The following PPP1R12A variants were observed in gnomAD, a reference collection of about 807,000 sequenced individuals.
The protein encoded by PPP1R12A is myosin binding subunit.
Under a neutral mutation model 139.6 loss-of-function variants are expected in PPP1R12A, and 19 were observed. The observed-to-expected ratio is 0.14, with a 90% CI of 0.09 to 0.20. The LOEUF (loss-of-function observed/expected upper bound fraction) is 0.20. Among genes scored for constraint, PPP1R12A ranks in the 10% least tolerant of loss-of-function variants. PPP1R12A has a pLI of 1.00. For missense variants in PPP1R12A, 925 were observed against 1,211.5 expected (o/e 0.76, Z 3.51); for synonymous variants, 427 against 420.6 (o/e 1.02, Z -0.19).
At chr12:79,813,914 G>A (rs1048693136) in intron 9 of PPP1R12A, among the ~76,000 whole-genome samples, 7 of 152,182 alleles carry the variant, frequency 4.6e-5, no homozygotes, top group African/African-American at 1.7e-4. Flanking sequence ...CATAGTTTAT[G>A]TACTGGGGTA....
intron 5 of PPP1R12A, among the ~76,000 whole-genome samples, chr12:79,826,281 TA>T (rs35566989): frequency 6.6e-6 from 1 of 150,798 alleles, no homozygotes; most frequent in African/African-American, 2.4e-5. Context: ...GTAATATGTG[TA>T]AAAAAGGCTG....
chr12:79,860,375 T>C (rs777465194), intron 2 of PPP1R12A, among the ~76,000 whole-genome samples: 1 of 152,152 alleles, frequency 6.6e-6, no homozygotes, highest in Non-Finnish European at 1.5e-5. Flanking sequence ...ATTGGTCAAT[T>C]AAGAGGGACA....
intron 5 of PPP1R12A, among the ~76,000 whole-genome samples, chr12:79,822,440 C>T (rs73349363): frequency 7.9e-5 from 12 of 152,246 alleles, no homozygotes; most frequent in Admixed American, 3.3e-4. Flanking sequence ...ATATACCATA[C>T]AAATCACTCA....
At chr12:79,861,607 CAA>C (rs769907414) in intron 2 of PPP1R12A, among the ~76,000 whole-genome samples, 4 of 152,132 alleles carry the variant, frequency 2.6e-5, no homozygotes, top group Admixed American at 2.0e-4. Context: ...TACTCCTGCC[CAA>C]ATACTGCACT....
intron 1 of PPP1R12A, among the ~76,000 whole-genome samples, chr12:79,884,154 A>G (rs568574896): frequency 2.5e-3 from 381 of 152,312 alleles, no homozygotes; most frequent in Admixed American, 5.6e-3. Flanking sequence ...ATCCTTTGAC[A>G]CTTAAGATAA....
intron 1 of PPP1R12A, among the ~76,000 whole-genome samples, chr12:79,876,660 A>G (rs559620101): frequency 6.4e-4 from 98 of 152,324 alleles, no homozygotes; most frequent in Non-Finnish European, 1.1e-3. Flanking sequence ...ATTTTCCTTA[A>G]CTACCATAGA....
At chr12:79,876,753 C>G (rs1266906440) in intron 1 of PPP1R12A, among the ~76,000 whole-genome samples, 2 of 151,888 alleles carry the variant, frequency 1.3e-5, no homozygotes, top group Admixed American at 6.6e-5. Flanking sequence ...TACAGTGTAC[C>G]CAAAAAGTTT....
intron 22 of PPP1R12A, among the ~76,000 whole-genome samples, chr12:79,783,016 T>C (rs183021705): frequency 3.4e-4 from 52 of 152,314 alleles, no homozygotes; most frequent in African/African-American, 1.2e-3. Context: ...TTTACGGTTA[T>C]GGTGTGTAAC....
At chr12:79,925,069 ACT>A (rs1887728503) in intron 1 of PPP1R12A, among the ~76,000 whole-genome samples, 1 of 152,128 alleles carries the variant, frequency 6.6e-6, no homozygotes, top group Admixed American at 6.5e-5. Context: ...AGAAAAAAAA[ACT>A]CTCAACACTG....
chr12:79,892,861 T>C (rs1282424418), intron 1 of PPP1R12A, among the ~76,000 whole-genome samples: 2 of 152,194 alleles, frequency 1.3e-5, no homozygotes, highest in Non-Finnish European at 2.9e-5. Flanking sequence ...CCCAGTACTT[T>C]GGAAGGCCAA....
chr12:79,818,391 G>A (rs1053825193), intron 8 of PPP1R12A, among the ~76,000 whole-genome samples: 2 of 151,994 alleles, frequency 1.3e-5, no homozygotes, highest in East Asian at 3.9e-4. Context: ...ACAGGTGTGC[G>A]CTACCACACC....
intron 4 of PPP1R12A, 70 bp from the exon 5 acceptor site, chr12:79,828,534 T>C (rs1877057431): frequency 8.4e-6 from 10 of 1,186,210 alleles, no homozygotes; most frequent in Non-Finnish European, 1.1e-5. Flanking sequence ...AAAAGCTATC[T>C]ATCATGCAAT....
At chr12:79,931,873 C>G (rs577135765) in intron 1 of PPP1R12A, among the ~76,000 whole-genome samples, 1 of 152,208 alleles carries the variant, frequency 6.6e-6, no homozygotes, top group African/African-American at 2.4e-5. Context: ...TTCTTCTATA[C>G]AGAGGACACA....
intron 9 of PPP1R12A, among the ~76,000 whole-genome samples, chr12:79,813,823 A>G (rs906342115): frequency 9.9e-5 from 15 of 152,198 alleles, no homozygotes; most frequent in Non-Finnish European, 1.2e-4. Flanking sequence ...CCAAGTTATT[A>G]AAAGAAAATA....
intron 1 of PPP1R12A, among the ~76,000 whole-genome samples, chr12:79,891,445 G>C (rs976025460): frequency 6.6e-6 from 1 of 152,152 alleles, no homozygotes; most frequent in Non-Finnish European, 1.5e-5. Flanking sequence ...TTGTTGAATA[G>C]TGAGAAAGGG....
chr12:79,935,210 A>T, upstream of PPP1R12A: 2 of 1,297,356 alleles, frequency 1.5e-6, no homozygotes, highest in East Asian at 6.8e-5. Context: ...CGAGATCCGG[A>T]CTGGGAGGCG....
Position 79,788,537 on chromosome 12 carries a change from T to C in PPP1R12A, c.2802+111A>G. 3 of 1,086,104 alleles carry C rather than the reference T, an allele frequency of 2.8e-6. No homozygotes were observed. In the South Asian group the frequency reaches 6.5e-5, roughly 24 times the overall value. The allele number at this position is 1,086,104 out of a possible 1,614,324, so 67.3% of individuals were successfully genotyped here. A position where few individuals can be genotyped will look rare whatever the true frequency, so the allele number is the denominator to read the frequency against. ...ACCATCACTTGCCGAAAACTGAAAA[T>C]AAGTTATTTCAAAATACTCATTTCA... On this transcript the variant is annotated intron_variant, in intron 21 of 24. Coordinates refer to ENST00000450142, the MANE Select transcript of PPP1R12A (RefSeq NM_002480.3).
chr12:79,856,201 ACT>A (rs1055056224), intron 2 of PPP1R12A, among the ~76,000 whole-genome samples: 11 of 152,022 alleles, frequency 7.2e-5, no homozygotes, highest in African/African-American at 2.7e-4. Flanking sequence ...CAAAGGACAA[ACT>A]CAGCCTGGCA....
intron 2 of PPP1R12A, among the ~76,000 whole-genome samples, chr12:79,852,529 G>T (rs939621008): frequency 6.6e-6 from 1 of 152,038 alleles, no homozygotes; most frequent in Non-Finnish European, 1.5e-5. Flanking sequence ...CACACTTTGG[G>T]TATTATAAGA....
Sources: allele counts gnomAD v4.1 joint callset (sites outside exome capture counted in the v4.1 genomes callset), GRCh38; gene constraint gnomAD v4.1.1; transcripts MANE v1.5; gene names NCBI Gene and HGNC (gene_info 2026-07-23, HGNC 2026-07-21).